PDE9A: variants seen among roughly 807,000 people sequenced by gnomAD.
The protein encoded by PDE9A is high affinity cGMP-specific 3',5'-cyclic phosphodiesterase 9A.
PDE9A carries 60 observed loss-of-function variants against 87.4 expected under a neutral mutation model. The observed-to-expected ratio is 0.69, with a 90% CI of 0.56 to 0.85. The LOEUF is 0.85. Ranked by LOEUF, PDE9A falls within the 40% of genes least tolerant of loss-of-function variation. PDE9A has a pLI of 0.00. For missense variants in PDE9A, 665 were observed against 779.0 expected, an observed-to-expected ratio of 0.85 and a Z score of 1.74; for synonymous variants, 272 against 279.4, an observed-to-expected ratio of 0.97 and a Z score of 0.27.
intron 10 of PDE9A, 180 bp from the exon 11 acceptor site, chr21:42,758,819 G>A: frequency 1.8e-6 from 1 of 568,216 alleles, no homozygotes. Flanking sequence ...CTGGTCTGAA[G>A]ACCTCTCTTC....
At chr21:42,721,232 G>A (rs1397993068) in intron 4 of PDE9A, among the ~76,000 whole-genome samples, 3 of 152,162 alleles carry the variant, frequency 2.0e-5, no homozygotes, top group African/African-American at 7.2e-5. Flanking sequence ...CCAGTCAAAT[G>A]TAAACGATAC....
chr21:42,718,154 G>A (rs1262052744), intron 4 of PDE9A, among the ~76,000 whole-genome samples: 2 of 151,578 alleles, frequency 1.3e-5, no homozygotes, highest in African/African-American at 4.8e-5. Context: ...ACCCACCTCG[G>A]GCTCCCAAAG....
intron 10 of PDE9A, chr21:42,758,277 A>C (rs1416848495): frequency 6.6e-6 from 1 of 152,232 alleles, no homozygotes; most frequent in Non-Finnish European, 1.5e-5. Flanking sequence ...AGATCACCAC[A>C]ATGACAATCC....
chr21:42,693,349 A>C (rs2059965474), intron 3 of PDE9A, among the ~76,000 whole-genome samples: 1 of 143,578 alleles, frequency 7.0e-6, no homozygotes. Flanking sequence ...CCCAGGCTGG[A>C]GTGCAGTGGC....
At chr21:42,748,926 T>C (rs2054155239) in intron 8 of PDE9A, among the ~76,000 whole-genome samples, 2 of 152,240 alleles carry the variant, frequency 1.3e-5, no homozygotes, top group Admixed American at 6.5e-5. Context: ...TTTTCCCTTT[T>C]CATGTCAAGT....
At position 42,759,532 on chromosome 21, in the gene PDE9A, G is replaced by A. The variant is rs1358606144; in HGVS notation, c.897+447G>A. 2.0e-5 allele frequency among the ~76,000 whole-genome samples: 3 copies of A among 150,076 alleles called. No individual in the cohort carries two copies. On this transcript the variant is annotated intron_variant, in intron 11 of 19. Transcript: ENST00000291539. The surrounding 1 kb of genome is among the most constrained non-coding windows in gnomAD (Gnocchi z 7.2). ...TGTGGATGTAAATGTGTGGGAGCGT[G>A]TGTGTGTGTGAGTGTGGGGTGTGGG...
intron 1 of PDE9A, among the ~76,000 whole-genome samples, chr21:42,658,920 C>A (rs7282438): frequency 6.6e-6 from 1 of 152,086 alleles, no homozygotes; most frequent in Non-Finnish European, 1.5e-5. Flanking sequence ...GGACAGGGAG[C>A]AATGAGAGTT....
intron 1 of PDE9A, among the ~76,000 whole-genome samples, chr21:42,672,644 T>C (rs2058625213): frequency 2.0e-5 from 3 of 152,328 alleles, no homozygotes; most frequent in South Asian, 4.1e-4. Flanking sequence ...CCCTGCCGTG[T>C]TTAGAAAAAG....
chr21:42,732,163 G>A, intron 6 of PDE9A, 39 bp downstream of exon 6: 1 of 1,586,750 alleles, frequency 6.3e-7, no homozygotes, highest in Non-Finnish European at 8.6e-7. Context: ...CCAGAGATGG[G>A]CACATCTTTC....
chr21:42,727,489 ATTTTTTTTTT>A (rs58515760), intron 4 of PDE9A, among the ~76,000 whole-genome samples: 1 of 88,340 alleles, frequency 1.1e-5, no homozygotes, highest in Non-Finnish European at 2.0e-5. Context: ...ACGCCTGGCT[ATTTTTTTTTT>A]TTTTTTTTTT....
At position 42,712,077 on chromosome 21, in the gene PDE9A, A is replaced by AT. The variant is rs2049396533; in HGVS notation, c.262+13066_262+13067insT. Among the ~76,000 whole-genome samples the AT allele has an allele frequency of 2.0e-5, 3 of 150,906 alleles. No individual in the cohort carries two copies. The South Asian group carries it at 6.3e-4, about 32-fold the overall frequency. The stretch of plus-strand genomic sequence containing the variant: ...ATCAACTTGTCAATTTCAAAAAAAA[A>AT]AGCCATCTATGACTTTGATTACTAT... On this transcript the variant is annotated intron_variant, in intron 4 of 19. Transcript: ENST00000291539.
intron 4 of PDE9A, among the ~76,000 whole-genome samples, chr21:42,710,453 T>C (rs1174398827): frequency 6.6e-6 from 1 of 151,796 alleles, no homozygotes; most frequent in Non-Finnish European, 1.5e-5. Context: ...GCCAAGCTGT[T>C]CTACCAAGAG....
At chr21:42,767,219 T>C (rs1376135814) in intron 15 of PDE9A, among the ~76,000 whole-genome samples, 2 of 151,792 alleles carry the variant, frequency 1.3e-5, no homozygotes, top group African/African-American at 4.8e-5. Flanking sequence ...CTGAGGATAG[T>C]GCGGGCCAGC....
At chr21:42,700,868 G>A (rs931767436) in intron 4 of PDE9A, 2 of 152,112 alleles carry the variant, frequency 1.3e-5, no homozygotes, top group African/African-American at 2.4e-5. Context: ...CTTGACTACC[G>A]TAGATAAATA....
rs962615185 is a variant in PDE9A, at chr21:42,660,919, G to A, written c.69+7036G>A. Among the ~76,000 whole-genome samples, 5 of 152,094 alleles carry A rather than the reference G, an allele frequency of 3.3e-5. No homozygotes were observed. The highest frequency in any genetic ancestry group is 1.2e-4 in the African/African-American group (5 of 41,414). On this transcript the variant is annotated intron_variant, in intron 1 of 19. Coordinates refer to ENST00000291539, the MANE Select transcript of PDE9A (RefSeq NM_002606.3). This position sits in a 1 kb window ranked among gnomAD's most constrained non-coding sequence, Gnocchi z 4.7. ...CTCCCCAAATCCCGAAGCTGGTCAC[G>A]CAACGGGAGCATTGGCCCTGAACAG...
intron 1 of PDE9A, among the ~76,000 whole-genome samples, chr21:42,685,841 T>G (rs545782672): frequency 1.1e-4 from 16 of 152,208 alleles, no homozygotes; most frequent in Non-Finnish European, 1.9e-4. Flanking sequence ...CATGAGATAC[T>G]TGAAGACCCG....
chr21:42,721,158 CA>C (rs1460448794), intron 4 of PDE9A, among the ~76,000 whole-genome samples: 9 of 152,096 alleles, frequency 5.9e-5, no homozygotes, highest in Admixed American at 5.9e-4. Context: ...GCCAGCTTCA[CA>C]GGCATTTTTC....
At chr21:42,744,442 G>A (rs1461981865) in intron 8 of PDE9A, among the ~76,000 whole-genome samples, 6 of 152,176 alleles carry the variant, frequency 3.9e-5, no homozygotes, top group Admixed American at 6.5e-5. Flanking sequence ...CAAGCCTTAG[G>A]AGCAATGTGT....
At chr21:42,726,626 T>TATATATATATA (rs1569207600) in intron 4 of PDE9A, among the ~76,000 whole-genome samples, 1 of 41,188 alleles carries the variant, frequency 2.4e-5, no homozygotes, top group Admixed American at 2.1e-4. Context: ...ATATATATAT[T>TATATATATATA]TTTTTTTTTT....
Sources: allele counts gnomAD v4.1 joint callset (sites outside exome capture counted in the v4.1 genomes callset), GRCh38; gene constraint gnomAD v4.1.1; non-coding constraint Gnocchi (gnomAD v3.1); transcripts MANE v1.5; gene names NCBI Gene and HGNC (gene_info 2026-07-23, HGNC 2026-07-21).